DTNA: variants seen among roughly 807,000 people sequenced by gnomAD.
DTNA encodes dystrophin-related protein 3.
DTNA carries 43 observed loss-of-function variants against 100.7 expected under a neutral mutation model. That is an observed-to-expected ratio of 0.43 (90% CI 0.33 to 0.55). DTNA has a LOEUF of 0.55. Among genes scored for constraint, DTNA ranks in the 20% least tolerant of loss-of-function variants. DTNA has a pLI of 0.04. For missense variants in DTNA, 798 were observed against 953.9 expected, an observed-to-expected ratio of 0.84 and a Z score of 2.15; for synonymous variants, 349 against 347.9, an observed-to-expected ratio of 1.00 and a Z score of -0.04.
chr18:34,763,890 A>T (rs1374542497), intron 2 of DTNA, among the ~76,000 whole-genome samples: 1 of 152,306 alleles, frequency 6.6e-6, no homozygotes, highest in Admixed American at 6.5e-5. Flanking sequence ...CCCTAAAAAA[A>T]GTCAAGGAGA....
chr18:34,763,981 A>T (rs2093337926), intron 2 of DTNA, among the ~76,000 whole-genome samples: 1 of 152,218 alleles, frequency 6.6e-6, no homozygotes, highest in African/African-American at 2.4e-5. Context: ...TGAGGATGCT[A>T]ATAATGATAA....
At chr18:34,593,162 A>C (rs961368471) in intron 1 of DTNA, among the ~76,000 whole-genome samples, 8 of 152,216 alleles carry the variant, frequency 5.3e-5, no homozygotes, top group Non-Finnish European at 1.2e-4. Flanking sequence ...ACCCACGTAG[A>C]GACAGGTAAA....
intron 1 of DTNA, among the ~76,000 whole-genome samples, chr18:34,585,941 A>G (rs2049091086): frequency 6.6e-6 from 1 of 152,196 alleles, no homozygotes; most frequent in African/African-American, 2.4e-5. Context: ...AATGCCATGA[A>G]TACTAGAGCT....
intron 1 of DTNA, among the ~76,000 whole-genome samples, chr18:34,704,129 A>G (rs2081792986): frequency 6.6e-6 from 1 of 152,192 alleles, no homozygotes; most frequent in African/African-American, 2.4e-5. Context: ...TACAGGGTAC[A>G]TGACATCGCA....
intron 3 of DTNA, among the ~76,000 whole-genome samples, chr18:34,791,028 A>G (rs961004105): frequency 1.3e-5 from 2 of 152,060 alleles, no homozygotes; most frequent in Admixed American, 6.6e-5. Context: ...AGAGATGAGT[A>G]TGGGCTGCTC....
chr18:34,782,353 C>A (rs1390616704), intron 3 of DTNA, among the ~76,000 whole-genome samples: 1 of 152,032 alleles, frequency 6.6e-6, no homozygotes, highest in Non-Finnish European at 1.5e-5. Flanking sequence ...ATATACATGA[C>A]CCTGAGCATA....
chr18:34,775,829 T>C (rs2094018110), intron 3 of DTNA, among the ~76,000 whole-genome samples: 1 of 152,262 alleles, frequency 6.6e-6, no homozygotes, highest in African/African-American at 2.4e-5. Flanking sequence ...CATGCCATAC[T>C]TAACTCCTTA....
intron 1 of DTNA, among the ~76,000 whole-genome samples, chr18:34,688,261 T>C (rs1320051427): frequency 6.6e-6 from 1 of 152,200 alleles, no homozygotes; most frequent in Non-Finnish European, 1.5e-5. Flanking sequence ...ATTTGGTTTA[T>C]TTTTGCAGTA....
At chr18:34,610,686 A>T (rs1345874437) in intron 1 of DTNA, among the ~76,000 whole-genome samples, 1 of 152,212 alleles carries the variant, frequency 6.6e-6, no homozygotes, top group East Asian at 1.9e-4. Context: ...GTGGCCTTTT[A>T]TGCATTTAGG....
chr18:34,557,206 T>C (rs1470905642), intron 1 of DTNA, among the ~76,000 whole-genome samples: 1 of 146,918 alleles, frequency 6.8e-6, no homozygotes, highest in Non-Finnish European at 1.5e-5. Context: ...CGAGCCTTGG[T>C]TTTCAGCTCC....
At chr18:34,670,524 T>A (rs1047861431) in intron 1 of DTNA, among the ~76,000 whole-genome samples, 9 of 152,250 alleles carry the variant, frequency 5.9e-5, no homozygotes, top group African/African-American at 2.2e-4. Context: ...TCCGTTTTTC[T>A]GTTCTGTTTT....
intron 1 of DTNA, 87 bp from the exon 2 acceptor site, chr18:34,755,889 C>A: frequency 8.6e-7 from 1 of 1,168,380 alleles, no homozygotes; most frequent in Non-Finnish European, 1.3e-6. Context: ...GTTTGTGTCA[C>A]AAGTACAGCA....
intron 1 of DTNA, among the ~76,000 whole-genome samples, chr18:34,736,644 A>G (rs989111074): frequency 5.9e-5 from 9 of 152,190 alleles, no homozygotes; most frequent in African/African-American, 2.2e-4. Context: ...TGAACTTCTT[A>G]GGATTAAAAG....
intron 1 of DTNA, among the ~76,000 whole-genome samples, chr18:34,646,511 T>G (rs2059853224): frequency 6.6e-6 from 1 of 152,178 alleles, no homozygotes; most frequent in African/African-American, 2.4e-5. Context: ...ATCACCACTT[T>G]TAACTTTACT....
intron 3 of DTNA, among the ~76,000 whole-genome samples, chr18:34,772,768 A>G (rs2093846513): frequency 6.6e-6 from 1 of 152,206 alleles, no homozygotes; most frequent in Admixed American, 6.5e-5. Flanking sequence ...ATTATCTTAC[A>G]GTTTTTGTAG....
chr18:34,873,404 C>T (rs567802975), intron 17 of DTNA, among the ~76,000 whole-genome samples: 1 of 152,310 alleles, frequency 6.6e-6, no homozygotes, highest in African/African-American at 2.4e-5. Context: ...TTGCTAAGGC[C>T]TCTGCCTTAA....
intron 17 of DTNA, among the ~76,000 whole-genome samples, chr18:34,873,678 T>A (rs1044483493): frequency 6.6e-6 from 1 of 152,144 alleles, no homozygotes; most frequent in African/African-American, 2.4e-5. Flanking sequence ...TGGAGAGAAA[T>A]CAGTGAGAGT....
intron 3 of DTNA, among the ~76,000 whole-genome samples, chr18:34,779,308 A>G (rs2094209570): frequency 1.3e-5 from 2 of 152,182 alleles, no homozygotes; most frequent in South Asian, 4.1e-4. Flanking sequence ...TGGGTTCATA[A>G]AATGTCTATT....
At chr18:34,588,686 AGT>A (rs145242890) in intron 1 of DTNA, among the ~76,000 whole-genome samples, 84 of 149,430 alleles carry the variant, frequency 5.6e-4, no homozygotes, top group African/African-American at 1.3e-3. Flanking sequence ...TGAATATTAT[AGT>A]GTGTGTGTGT....
Sources: gnomAD v4.1 joint callset for allele counts (sites outside exome capture counted in the v4.1 genomes callset) on GRCh38, gnomAD v4.1.1 for gene constraint, MANE v1.5 for transcripts, NCBI Gene and HGNC (gene_info 2026-07-23, HGNC 2026-07-21) for gene names.